ATRNL1: variants seen among roughly 807,000 people sequenced by gnomAD.
ATRNL1 encodes attractin-like protein 1.
In ATRNL1, 95 loss-of-function variants were observed where a neutral mutation model predicts 182.7. The observed-to-expected ratio is 0.52, with a 90% CI of 0.44 to 0.62. ATRNL1 has a LOEUF of 0.62. Among genes scored for constraint, ATRNL1 ranks in the 20% least tolerant of loss-of-function variants. The pLI, the probability that ATRNL1 is intolerant of heterozygous loss-of-function variation, is 0.00. For synonymous variants in ATRNL1, 576 were observed against 568.3 expected (o/e 1.01, Z -0.19); for missense variants, 1,471 against 1,679.5 (o/e 0.88, Z 2.17).
intron 28 of ATRNL1, among the ~76,000 whole-genome samples, chr10:115,933,070 G>T (rs1555122037): frequency 1.3e-5 from 2 of 152,228 alleles, no homozygotes; most frequent in Non-Finnish European, 2.9e-5. Flanking sequence ...TATGAAAGGT[G>T]AACAGATTCT....
intron 8 of ATRNL1, among the ~76,000 whole-genome samples, chr10:115,183,952 T>C (rs531950653): frequency 2.0e-5 from 3 of 151,666 alleles, no homozygotes; most frequent in South Asian, 4.1e-4. Flanking sequence ...CAACACATTC[T>C]TTTCTTAATG....
chr10:115,363,192 G>A (rs1841949011), intron 19 of ATRNL1, among the ~76,000 whole-genome samples: 1 of 150,904 alleles, frequency 6.6e-6, no homozygotes, highest in Admixed American at 6.6e-5. Context: ...GTTGTTTCCT[G>A]ACTTTTTAAT....
chr10:115,927,913 A>C (rs1489873034), intron 28 of ATRNL1, among the ~76,000 whole-genome samples: 1 of 152,068 alleles, frequency 6.6e-6, no homozygotes, highest in Non-Finnish European at 1.5e-5. Flanking sequence ...AACCAAAGTA[A>C]TTTCAAAGCC....
intron 22 of ATRNL1, among the ~76,000 whole-genome samples, chr10:115,464,461 G>T (rs1554970406): frequency 6.6e-6 from 1 of 151,814 alleles, no homozygotes; most frequent in Non-Finnish European, 1.5e-5. Flanking sequence ...AACAAACAAT[G>T]TTCTAAATCA....
Position 115,094,701 on chromosome 10 carries a change from A to G in ATRNL1, c.293+658A>G, listed in dbSNP as rs138271583. Among the ~76,000 whole-genome samples the G allele has an allele frequency of 3.6e-3, 543 of 152,306 alleles. 2 individuals are homozygous for G. Among genetic ancestry groups the G allele is most frequent in the African/African-American group, 0.013 (524 of 41,584 alleles). ...TTACGGAGAGAAATCGAGGCGATAC[A>G]TTGAAGTAACTTGGCCAGGATTACA... On this transcript the variant is annotated intron_variant, in intron 1 of 28. Coordinates refer to ENST00000355044, the MANE Select transcript of ATRNL1 (RefSeq NM_207303.4).
intron 28 of ATRNL1, among the ~76,000 whole-genome samples, chr10:115,899,113 C>A (rs1216559530): frequency 6.6e-6 from 1 of 152,092 alleles, no homozygotes; most frequent in Non-Finnish European, 1.5e-5. Context: ...CCCCATCCCC[C>A]ACCCCACGAC....
chr10:115,936,732 C>A (rs181526675), intron 28 of ATRNL1, among the ~76,000 whole-genome samples: 175 of 152,214 alleles, frequency 1.1e-3, no homozygotes, highest in African/African-American at 4.1e-3. Flanking sequence ...TGTTCCATTT[C>A]TTCAATGAGC....
At chr10:115,228,834 C>T (rs1309003762) in intron 9 of ATRNL1, among the ~76,000 whole-genome samples, 6 of 146,868 alleles carry the variant, frequency 4.1e-5, no homozygotes, top group African/African-American at 5.0e-5. Context: ...GGCACAATCT[C>T]GGCTCACTGC....
chr10:115,622,076 G>A (rs1555023164), intron 26 of ATRNL1, among the ~76,000 whole-genome samples: 1 of 152,074 alleles, frequency 6.6e-6, no homozygotes, highest in Non-Finnish European at 1.5e-5. Flanking sequence ...TTTTTCCAAA[G>A]GTAATCTTGC....
chr10:115,811,720 A>C (rs572231191), intron 27 of ATRNL1, among the ~76,000 whole-genome samples: 108 of 152,102 alleles, frequency 7.1e-4, no homozygotes, highest in African/African-American at 2.4e-3. Context: ...CTTCTTTATT[A>C]TTATATAATG....
chr10:115,192,845 C>T (rs1489284387), intron 8 of ATRNL1, among the ~76,000 whole-genome samples: 2 of 151,554 alleles, frequency 1.3e-5, no homozygotes, highest in Non-Finnish European at 2.9e-5. Context: ...AATGGGATTA[C>T]TTTTTTTTGG....
At chr10:115,444,831 A>G (rs1242397318) in intron 21 of ATRNL1, among the ~76,000 whole-genome samples, 1 of 151,902 alleles carries the variant, frequency 6.6e-6, no homozygotes, top group Non-Finnish European at 1.5e-5. Context: ...TCTCGGGTTC[A>G]TGCGATTCTC....
intron 25 of ATRNL1, among the ~76,000 whole-genome samples, chr10:115,535,311 T>G (rs1384668033): frequency 6.6e-6 from 1 of 152,120 alleles, no homozygotes; most frequent in Admixed American, 6.5e-5. Flanking sequence ...TCGTTTCTTT[T>G]TATTCTTTTT....
chr10:115,484,140 T>G (rs1848905129), intron 24 of ATRNL1, among the ~76,000 whole-genome samples: 1 of 151,396 alleles, frequency 6.6e-6, no homozygotes. Context: ...TCAGTAAATG[T>G]CAAATCTTAG....
At chr10:115,425,769 T>C (rs1845856675) in intron 20 of ATRNL1, among the ~76,000 whole-genome samples, 2 of 152,098 alleles carry the variant, frequency 1.3e-5, no homozygotes, top group Admixed American at 1.3e-4. Flanking sequence ...TACAGATTAA[T>C]TGGTGTAGAA....
intron 10 of ATRNL1, among the ~76,000 whole-genome samples, chr10:115,255,181 G>T (rs1446068390): frequency 6.6e-6 from 1 of 152,176 alleles, no homozygotes; most frequent in Admixed American, 6.5e-5. Context: ...GAAAGTCATT[G>T]GTAGCTTGAT....
chr10:115,357,814 G>A (rs1048283397), intron 19 of ATRNL1, among the ~76,000 whole-genome samples: 3 of 151,492 alleles, frequency 2.0e-5, no homozygotes, highest in Non-Finnish European at 4.4e-5. Context: ...ACTTTCTGCT[G>A]AACATTTCCA....
chr10:115,646,263 C>T (rs1859609175), intron 26 of ATRNL1, among the ~76,000 whole-genome samples: 1 of 152,076 alleles, frequency 6.6e-6, no homozygotes, highest in African/African-American at 2.4e-5. Context: ...TGAACATTTA[C>T]GTCCATAAGG....
intron 27 of ATRNL1, chr10:115,819,740 GAA>G (rs1950248593): frequency 6.6e-6 from 1 of 152,106 alleles, no homozygotes; most frequent in African/African-American, 2.4e-5. Flanking sequence ...GCAAGTGCTT[GAA>G]ATAGGCAGAG....
Sources: allele counts gnomAD v4.1 joint callset (sites outside exome capture counted in the v4.1 genomes callset), GRCh38; gene constraint gnomAD v4.1.1; transcripts MANE v1.5; gene names NCBI Gene and HGNC (gene_info 2026-07-23, HGNC 2026-07-21).